The following FHOD3 variants were observed in gnomAD, a reference collection of about 807,000 sequenced individuals.
The protein encoded by FHOD3 is FH1/FH2 domain-containing protein 3.
A neutral mutation model predicts 173.0 loss-of-function variants in FHOD3; 90 were observed. That is an observed-to-expected ratio of 0.52 (90% CI 0.44 to 0.62). The LOEUF (loss-of-function observed/expected upper bound fraction) is 0.62, where lower values mean the gene tolerates loss of function less well. Ranked by LOEUF, FHOD3 falls within the 20% of genes least tolerant of loss-of-function variation. FHOD3 has a pLI of 0.00. For synonymous variants in FHOD3, 828 were observed against 823.0 expected, an observed-to-expected ratio of 1.01 and a Z score of -0.10; for missense variants, 1,945 against 2,034.7, an observed-to-expected ratio of 0.96 and a Z score of 0.85.
At chr18:36,478,394 A>G (rs1163421715) in intron 3 of FHOD3, among the ~76,000 whole-genome samples, 2 of 152,332 alleles carry the variant, frequency 1.3e-5, no homozygotes, top group Non-Finnish European at 2.9e-5. Flanking sequence ...CACCTCAACC[A>G]TCTATTCTTT....
At position 36,553,654 on chromosome 18, in the gene FHOD3, C is replaced by T. The variant is rs539537532; in HGVS notation, c.512-22797C>T. Among the ~76,000 whole-genome samples, 159 of 152,112 alleles carry T rather than the reference C, an allele frequency of 1.0e-3. 1 individual carries two copies. The highest frequency in any genetic ancestry group is 3.6e-3 in the African/African-American group (151 of 41,514). ...ATGGTAGTTTGTATTTCTGTGGGATCGGCTTCTGCATGGCAAAAGAAACTA... is the reference window on the plus strand; with the variant it reads ...ATGGTAGTTTGTATTTCTGTGGGATTGGCTTCTGCATGGCAAAAGAAACTA... On this transcript the variant is annotated intron_variant, in intron 5 of 28. Transcript: ENST00000590592.
At chr18:36,521,343 A>G (rs1177667399) in intron 5 of FHOD3, among the ~76,000 whole-genome samples, 11 of 151,926 alleles carry the variant, frequency 7.2e-5, no homozygotes, top group African/African-American at 9.7e-5. Context: ...CTCCATCTCC[A>G]TTGCACCAGT....
chr18:36,323,458 AG>A (rs1009574567), intron 1 of FHOD3, among the ~76,000 whole-genome samples: 3 of 152,192 alleles, frequency 2.0e-5, no homozygotes, highest in Admixed American at 6.5e-5. Context: ...TCATAGCCCC[AG>A]GCACATCAGG....
At chr18:36,481,134 T>C (rs2053869594) in intron 3 of FHOD3, among the ~76,000 whole-genome samples, 1 of 151,718 alleles carries the variant, frequency 6.6e-6, no homozygotes, top group African/African-American at 2.4e-5. Context: ...TCAGCTTTTC[T>C]CTTTCACTGA....
chr18:36,571,277 A>G (rs1216568210), intron 5 of FHOD3, among the ~76,000 whole-genome samples: 1 of 152,324 alleles, frequency 6.6e-6, no homozygotes, highest in East Asian at 1.9e-4. Flanking sequence ...TAATAGCTCC[A>G]AAGAATGTGA....
intron 5 of FHOD3, among the ~76,000 whole-genome samples, chr18:36,541,457 T>G (rs2057216099): frequency 6.6e-6 from 1 of 151,942 alleles, no homozygotes; most frequent in Non-Finnish European, 1.5e-5. Flanking sequence ...CTCAGGAGGC[T>G]GAGGCACCAG....
intron 2 of FHOD3, 77 bp from the exon 3 acceptor site, chr18:36,372,603 C>A (rs919372790): frequency 7.9e-7 from 1 of 1,259,686 alleles, no homozygotes; most frequent in Non-Finnish European, 1.1e-6. Context: ...ATGTCAGAAC[C>A]TTCACGTGGA....
Position 36,298,758 on chromosome 18 carries a change from GGT to G in FHOD3, c.165+759_165+760del, listed in dbSNP as rs200812653. Among the ~76,000 whole-genome samples, 950 of 110,080 alleles carry G rather than the reference GGT, an allele frequency of 8.6e-3. 10 individuals are homozygous for G. The highest frequency in any genetic ancestry group is 0.03 in the African/African-American group (890 of 30,088). The allele number at this position is 110,080 out of a possible 152,430, so 72.2% of individuals were successfully genotyped here. On this transcript the variant is annotated intron_variant, in intron 1 of 28. Coordinates refer to ENST00000590592, the MANE Select transcript of FHOD3 (RefSeq NM_001281740.3). ...GGCTGCTCAGTCTACCCGTTAGAGA[GGT>G]TTTTTTTTTTTTATTTGTTATTTTT...
chr18:36,531,775 G>A (rs1268984865), intron 5 of FHOD3, among the ~76,000 whole-genome samples: 4 of 152,152 alleles, frequency 2.6e-5, no homozygotes, highest in East Asian at 1.9e-4. Context: ...CCTGTCCCAC[G>A]TCTTCCGCTG....
At chr18:36,517,561 G>T (rs1452223537) in intron 5 of FHOD3, among the ~76,000 whole-genome samples, 1 of 152,212 alleles carries the variant, frequency 6.6e-6, no homozygotes, top group Non-Finnish European at 1.5e-5. Flanking sequence ...TGTAACTCAA[G>T]AGAAACTGCC....
At chr18:36,384,487 C>G (rs1366740920) in intron 3 of FHOD3, among the ~76,000 whole-genome samples, 1 of 150,936 alleles carries the variant, frequency 6.6e-6, no homozygotes, top group East Asian at 2.0e-4. Context: ...AAGAGAATCA[C>G]TTGAACCAGG....
At chr18:36,706,333 G>A (rs944979279) in intron 17 of FHOD3, among the ~76,000 whole-genome samples, 1 of 152,186 alleles carries the variant, frequency 6.6e-6, no homozygotes, top group African/African-American at 2.4e-5. Context: ...ATCAGACCTT[G>A]TAGACACTGA....
At chr18:36,754,337 G>T (rs1353593342) in intron 24 of FHOD3, among the ~76,000 whole-genome samples, 1 of 152,102 alleles carries the variant, frequency 6.6e-6, no homozygotes, top group East Asian at 1.9e-4. Flanking sequence ...AATGTTGTTT[G>T]TTCCACAGAA....
chr18:36,495,386 C>T (rs1248852757), intron 3 of FHOD3, among the ~76,000 whole-genome samples: 8 of 152,160 alleles, frequency 5.3e-5, no homozygotes, highest in African/African-American at 1.7e-4. Flanking sequence ...CTGCAACCTC[C>T]CCTGATTGGA....
chr18:36,655,774 A>ACACAC (rs1568559106), intron 13 of FHOD3, among the ~76,000 whole-genome samples: 1,698 of 82,130 alleles, frequency 0.021, 41 homozygotes, highest in African/African-American at 0.08. Context: ...CACACACACA[A>ACACAC]AAATGCTGAA....
intron 1 of FHOD3, among the ~76,000 whole-genome samples, chr18:36,352,654 G>A (rs2046185371): frequency 2.0e-5 from 3 of 152,210 alleles, no homozygotes; most frequent in Admixed American, 1.3e-4. Context: ...CCTCCTTGAG[G>A]AGAAGTAGAA....
intron 4 of FHOD3, among the ~76,000 whole-genome samples, chr18:36,507,164 T>C (rs944274915): frequency 3.9e-5 from 6 of 152,252 alleles, no homozygotes; most frequent in Non-Finnish European, 5.9e-5. Flanking sequence ...ATTTGTAGCA[T>C]ATAAATTCAG....
intron 9 of FHOD3, among the ~76,000 whole-genome samples, chr18:36,623,714 AC>A (rs1360286412): frequency 6.6e-6 from 1 of 152,210 alleles, no homozygotes; most frequent in East Asian, 1.9e-4. Flanking sequence ...AATTATCGTC[AC>A]CTATGGGAGT....
intron 12 of FHOD3, 109 bp from the exon 13 acceptor site, chr18:36,653,233 C>A: frequency 3.4e-6 from 3 of 875,252 alleles, no homozygotes; most frequent in Non-Finnish European, 1.7e-6. Context: ...ATTTATACAT[C>A]TTGTACCAAG....
Sources: allele counts gnomAD v4.1 joint callset (sites outside exome capture counted in the v4.1 genomes callset), GRCh38; gene constraint gnomAD v4.1.1; transcripts MANE v1.5; gene names NCBI Gene and HGNC (gene_info 2026-07-23, HGNC 2026-07-21).